Variants in LAMA2 observed in about 807,000 individuals in gnomAD.
The protein encoded by LAMA2 is laminin subunit alpha 2.
Under a neutral mutation model 364.8 loss-of-function variants are expected in LAMA2, and 269 were observed. The observed-to-expected ratio is 0.74, with a 90% CI of 0.67 to 0.82. The LOEUF (loss-of-function observed/expected upper bound fraction) is 0.82. Among genes scored for constraint, LAMA2 ranks in the 40% least tolerant of loss-of-function variants. The pLI, the probability that LAMA2 is intolerant of heterozygous loss-of-function variation, is 0.00. For synonymous variants in LAMA2, 1,379 were observed against 1,370.6 expected (o/e 1.01, Z -0.14); for missense variants, 3,807 against 3,873.2 (o/e 0.98, Z 0.45).
chr6:129,373,479 T>C (rs1376768587), intron 34 of LAMA2, among the ~76,000 whole-genome samples: 2 of 152,204 alleles, frequency 1.3e-5, no homozygotes, highest in African/African-American at 4.8e-5. Flanking sequence ...GTCATATACA[T>C]ATTAGCTCAT....
At chr6:129,277,253 C>G (rs1788394152) in intron 17 of LAMA2, among the ~76,000 whole-genome samples, 1 of 152,196 alleles carries the variant, frequency 6.6e-6, no homozygotes, top group Non-Finnish European at 1.5e-5. Flanking sequence ...ACAATTTCCT[C>G]TTTGTGTCAC....
At chr6:128,896,104 T>C (rs549530162) in intron 1 of LAMA2, among the ~76,000 whole-genome samples, 2 of 152,156 alleles carry the variant, frequency 1.3e-5, no homozygotes, top group African/African-American at 4.8e-5. Context: ...CACTGATGGG[T>C]CTGAACATGA....
At chr6:129,497,690 A>G (rs1562621399) in intron 58 of LAMA2, among the ~76,000 whole-genome samples, 1 of 152,160 alleles carries the variant, frequency 6.6e-6, no homozygotes, top group Non-Finnish European at 1.5e-5. Context: ...CTTTACACCC[A>G]TCACACCCAA....
intron 1 of LAMA2, among the ~76,000 whole-genome samples, chr6:129,034,517 G>A (rs1786476269): frequency 6.6e-6 from 1 of 151,452 alleles, no homozygotes; most frequent in Non-Finnish European, 1.5e-5. Context: ...GTGTGGGTTT[G>A]TGACATGGGT....
chr6:129,021,147 G>A (rs1006779103), intron 1 of LAMA2, among the ~76,000 whole-genome samples: 19 of 152,152 alleles, frequency 1.2e-4, no homozygotes, highest in African/African-American at 4.3e-4. Context: ...AAATTCCAGT[G>A]TTTAACACAA....
intron 1 of LAMA2, among the ~76,000 whole-genome samples, chr6:128,932,762 A>G (rs1302875380): frequency 1.3e-5 from 2 of 152,248 alleles, no homozygotes; most frequent in Non-Finnish European, 2.9e-5. Flanking sequence ...ATACATATAC[A>G]TTGTGAAATG....
At chr6:129,214,293 A>G (rs1269169172) in intron 12 of LAMA2, among the ~76,000 whole-genome samples, 2 of 152,146 alleles carry the variant, frequency 1.3e-5, no homozygotes, top group African/African-American at 4.8e-5. Flanking sequence ...CAAACACAAG[A>G]GGGAGCCTTC....
chr6:129,207,241 A>G (rs568404248), intron 12 of LAMA2, among the ~76,000 whole-genome samples: 1 of 152,336 alleles, frequency 6.6e-6, no homozygotes, highest in African/African-American at 2.4e-5. Context: ...TTCATTAGGA[A>G]GAGAACCCCT....
chr6:129,442,195 G>T, intron 43 of LAMA2: 1 of 1,320,402 alleles, frequency 7.6e-7, no homozygotes, highest in East Asian at 4.9e-5. Flanking sequence ...AGTGGGGAAT[G>T]GAGCCTGATT....
chr6:129,160,737 CATGA>C (rs1003396173), intron 8 of LAMA2, among the ~76,000 whole-genome samples: 1 of 151,800 alleles, frequency 6.6e-6, no homozygotes, highest in African/African-American at 2.4e-5. Flanking sequence ...AGCTGTTTCT[CATGA>C]ATTCAGGAAT....
At chr6:129,172,824 A>T (rs996658996) in intron 9 of LAMA2, among the ~76,000 whole-genome samples, 1 of 152,028 alleles carries the variant, frequency 6.6e-6, no homozygotes, top group Non-Finnish European at 1.5e-5. Flanking sequence ...AATCAGCGAG[A>T]CTCCATGGGC....
chr6:128,952,555 G>C (rs1780893696), intron 1 of LAMA2, among the ~76,000 whole-genome samples: 1 of 152,064 alleles, frequency 6.6e-6, no homozygotes, highest in African/African-American at 2.4e-5. Flanking sequence ...TGATTGTTCA[G>C]AAAGCAATTT....
At chr6:129,395,214 C>T (rs1353158888) in intron 37 of LAMA2, among the ~76,000 whole-genome samples, 4 of 152,116 alleles carry the variant, frequency 2.6e-5, no homozygotes, top group Non-Finnish European at 5.9e-5. Context: ...TGACACATTG[C>T]ATCTATTTGA....
chr6:129,259,398 G>A (rs1786954763), intron 14 of LAMA2, among the ~76,000 whole-genome samples: 1 of 151,970 alleles, frequency 6.6e-6, no homozygotes, highest in Non-Finnish European at 1.5e-5. Context: ...GCAGGCCATA[G>A]CGAGAATCAG....
chr6:129,441,932 G>C (rs1347942576), intron 43 of LAMA2, among the ~76,000 whole-genome samples: 1 of 151,862 alleles, frequency 6.6e-6, no homozygotes, highest in Non-Finnish European at 1.5e-5. Flanking sequence ...GCAGTGAGCT[G>C]TGATCACGCC....
intron 1 of LAMA2, among the ~76,000 whole-genome samples, chr6:129,041,208 C>T (rs1787065349): frequency 6.6e-6 from 1 of 152,182 alleles, no homozygotes; most frequent in African/African-American, 2.4e-5. Context: ...AAGCAGCCTT[C>T]CCTGTGCCAC....
chr6:129,491,554 A>T (rs1784863997), intron 56 of LAMA2, among the ~76,000 whole-genome samples: 1 of 152,230 alleles, frequency 6.6e-6, no homozygotes, highest in South Asian at 2.1e-4. Context: ...ATGCTTTGCT[A>T]AACCTGCCAA....
chr6:129,477,786 A>C lies in LAMA2; in HGVS notation c.7452-907A>C, dbSNP rs1043484179. On this transcript the variant is annotated intron_variant, in intron 53 of 64. Transcript: ENST00000421865. ...AACTAAATTAATCTGTTAAAAAAAA[A>C]CATTTTTTTATTTTGAGACAGGGAT... 7.9e-5 allele frequency among the ~76,000 whole-genome samples: 12 copies of C among 152,078 alleles called. No individual in the cohort carries two copies. In the East Asian group the frequency reaches 9.6e-4, roughly 12 times the overall value.
chr6:129,349,443 T>G (rs561414931), intron 31 of LAMA2, 59 bp downstream of exon 31: 1 of 1,262,848 alleles, frequency 7.9e-7, no homozygotes, highest in African/African-American at 1.5e-5. Flanking sequence ...TGGTAAAGGG[T>G]CACAATAGGA....
Sources: gnomAD v4.1 joint callset for allele counts (sites outside exome capture counted in the v4.1 genomes callset) on GRCh38, gnomAD v4.1.1 for gene constraint, MANE v1.5 for transcripts, NCBI Gene and HGNC (gene_info 2026-07-23, HGNC 2026-07-21) for gene names.